SOX5: variants seen among roughly 807,000 people sequenced by gnomAD.
The protein encoded by SOX5 is SRY-box transcription factor 5.
In SOX5, 9 loss-of-function variants were observed where a neutral mutation model predicts 92.0. The observed-to-expected ratio is 0.10, with a 90% CI of 0.06 to 0.17. The LOEUF is 0.17. Among genes scored for constraint, SOX5 ranks in the 10% least tolerant of loss-of-function variants. SOX5 has a pLI of 1.00. For missense variants in SOX5, 642 were observed against 944.5 expected, an observed-to-expected ratio of 0.68 and a Z score of 4.20; for synonymous variants, 344 against 336.3, an observed-to-expected ratio of 1.02 and a Z score of -0.25.
At chr12:23,582,214 T>C (rs1473162062) in intron 9 of SOX5, 1 of 985,232 alleles carries the variant, frequency 1.0e-6, no homozygotes. Flanking sequence ...TCTACCTCTA[T>C]GGACTGTGGG....
At chr12:24,114,790 G>A (rs1489761396) in intron 4 of SOX5, among the ~76,000 whole-genome samples, 1 of 151,670 alleles carries the variant, frequency 6.6e-6, no homozygotes, top group African/African-American at 2.4e-5. Flanking sequence ...ATTTAACTGG[G>A]CTGGGCATAG....
intron 4 of SOX5, among the ~76,000 whole-genome samples, chr12:24,136,982 A>C (rs527276697): frequency 8.8e-4 from 134 of 152,314 alleles, no homozygotes; most frequent in African/African-American, 3.2e-3. Flanking sequence ...TGCTCCAAAA[A>C]TATCACTCAC....
At chr12:23,724,109 C>T (rs1393845207) in intron 6 of SOX5, among the ~76,000 whole-genome samples, 1 of 152,096 alleles carries the variant, frequency 6.6e-6, no homozygotes, top group Non-Finnish European at 1.5e-5. Context: ...AAATATCCTG[C>T]CACATTTGCC....
At chr12:24,282,334 G>A (rs1468219671) in intron 2 of SOX5, among the ~76,000 whole-genome samples, 1 of 151,464 alleles carries the variant, frequency 6.6e-6, no homozygotes, top group African/African-American at 2.4e-5. Flanking sequence ...TTGTGCACAT[G>A]TACCCTAAAA....
chr12:23,721,793 T>C (rs1463051148), intron 6 of SOX5, among the ~76,000 whole-genome samples: 1 of 152,192 alleles, frequency 6.6e-6, no homozygotes, highest in Admixed American at 6.5e-5. Flanking sequence ...GTTAAGAGAT[T>C]ATACATGAAG....
chr12:24,106,597 C>G (rs1946697048), intron 4 of SOX5, among the ~76,000 whole-genome samples: 1 of 151,890 alleles, frequency 6.6e-6, no homozygotes, highest in Non-Finnish European at 1.5e-5. Context: ...TCGAGACCAG[C>G]CTGGCTAACA....
intron 8 of SOX5, among the ~76,000 whole-genome samples, chr12:23,612,348 T>G (rs1297341952): frequency 1.3e-5 from 2 of 152,144 alleles, no homozygotes; most frequent in Admixed American, 6.6e-5. Context: ...CCAATGAGAT[T>G]GTTTAGTTCA....
rs111979511 is a variant in SOX5, at chr12:23,748,775, T to C, written c.568+6863A>G. Among the ~76,000 whole-genome samples the C allele has an allele frequency of 5.4e-3, 819 of 152,126 alleles. 12 individuals carry two copies. Among genetic ancestry groups the C allele is most frequent in the African/African-American group, 0.019 (773 of 41,550 alleles). Reference sequence around the variant, plus strand: ...GACTTTACTTAGTTTAATTTTTTTATGGAAATGTCACTTTCAACTGGTATT... The same window carrying C: ...GACTTTACTTAGTTTAATTTTTTTACGGAAATGTCACTTTCAACTGGTATT... On this transcript the variant is annotated intron_variant, in intron 4 of 14. Coordinates refer to ENST00000451604, the MANE Select transcript of SOX5 (RefSeq NM_006940.6).
At chr12:23,842,148 AG>A (rs1355792521) in intron 3 of SOX5, among the ~76,000 whole-genome samples, 1 of 152,152 alleles carries the variant, frequency 6.6e-6, no homozygotes, top group Non-Finnish European at 1.5e-5. Context: ...TAAAAGCAAA[AG>A]GACACATACA....
rs73280151 is a variant in SOX5 at position 23,892,964 on chromosome 12, G to T, written c.270+2829C>A. ...TTCAAGGCTACGGTGAGCTATGATT[G>T]TGCCACTGCATTACAGCCTGCGTAA... On this transcript the variant is annotated intron_variant, in intron 2 of 14. Transcript: ENST00000451604. 4.9e-3 allele frequency among the ~76,000 whole-genome samples: 748 copies of T among 152,292 alleles called. 5 individuals carry two copies. Among genetic ancestry groups the T allele is most frequent in the African/African-American group, 0.017 (715 of 41,560 alleles).
At chr12:23,834,874 T>C (rs549095504) in intron 3 of SOX5, among the ~76,000 whole-genome samples, 30 of 151,974 alleles carry the variant, frequency 2.0e-4, no homozygotes, top group African/African-American at 7.0e-4. Context: ...GAAATGGCCA[T>C]TTCAAAGAGA....
At chr12:24,036,374 G>A (rs1031418025) in intron 4 of SOX5, among the ~76,000 whole-genome samples, 2 of 151,932 alleles carry the variant, frequency 1.3e-5, no homozygotes, top group Non-Finnish European at 2.9e-5. Flanking sequence ...AACAGCTTTT[G>A]GCATTCAAAT....
chr12:23,578,374 G>A (rs994209836), intron 9 of SOX5, among the ~76,000 whole-genome samples: 4 of 150,870 alleles, frequency 2.7e-5, no homozygotes, highest in African/African-American at 7.3e-5. Context: ...GAAACTATGG[G>A]GATGGGTCCC....
rs114492031 is a variant in SOX5 at position 24,328,230 on chromosome 12, A to G, written c.-174+40333T>C. Reference sequence around the variant, plus strand: ...TGCTAGCAAATCCTATTTCCTGAATATGCCCTCCTCTCAACGTCTATATTT... The same window carrying G: ...TGCTAGCAAATCCTATTTCCTGAATGTGCCCTCCTCTCAACGTCTATATTT... On this transcript the variant is annotated intron_variant, in intron 2 of 4. Transcript: ENST00000446891. Among the ~76,000 whole-genome samples, 231 of 152,350 alleles carry G rather than the reference A, an allele frequency of 1.5e-3. 1 individual carries two copies. The highest frequency in any genetic ancestry group is 5.2e-3 in the African/African-American group (215 of 41,584).
intron 4 of SOX5, among the ~76,000 whole-genome samples, chr12:24,181,895 A>G (rs1008284632): frequency 6.6e-6 from 1 of 152,132 alleles, no homozygotes; most frequent in African/African-American, 2.4e-5. Context: ...TATGGTCTAG[A>G]TTTTTCAAAT....
chr12:24,268,034 C>G (rs1020305811), intron 3 of SOX5, among the ~76,000 whole-genome samples: 2 of 152,168 alleles, frequency 1.3e-5, no homozygotes, highest in Admixed American at 1.3e-4. Context: ...ATTGGCTACT[C>G]AAGTGGCAAT....
chr12:24,001,792 G>A (rs938060356), intron 4 of SOX5, among the ~76,000 whole-genome samples: 1 of 152,126 alleles, frequency 6.6e-6, no homozygotes, highest in Non-Finnish European at 1.5e-5. Context: ...AAGCAATACA[G>A]GAGGACTTGA....
intron 1 of SOX5, among the ~76,000 whole-genome samples, chr12:23,948,240 G>T (rs1021161529): frequency 1.1e-4 from 16 of 150,822 alleles, no homozygotes; most frequent in African/African-American, 3.9e-4. Context: ...AAACACAGAA[G>T]AAATCAAAGA....
chr12:23,719,586 C>T (rs899701437), intron 6 of SOX5, among the ~76,000 whole-genome samples: 1 of 151,772 alleles, frequency 6.6e-6, no homozygotes, highest in Admixed American at 6.6e-5. Context: ...CCCATCTCTA[C>T]AAAACATATA....
Sources: gnomAD v4.1 joint callset for allele counts (sites outside exome capture counted in the v4.1 genomes callset) on GRCh38, gnomAD v4.1.1 for gene constraint, MANE v1.5 for transcripts, NCBI Gene and HGNC (gene_info 2026-07-23, HGNC 2026-07-21) for gene names.